The following IRS1 variants were observed in gnomAD, a reference collection of about 807,000 sequenced individuals.
IRS1 encodes the protein insulin receptor substrate 1.
A neutral mutation model predicts 65.6 loss-of-function variants in IRS1; 34 were observed. That is an observed-to-expected ratio of 0.52 (90% CI 0.39 to 0.69). The LOEUF is 0.69. IRS1 is among the 30% of genes least tolerant of loss of function. The pLI, the probability that IRS1 is intolerant of heterozygous loss-of-function variation, is 0.00. For missense variants in IRS1, 1,641 were observed against 1,720.2 expected (o/e 0.95, Z 0.81); for synonymous variants, 699 against 683.5 (o/e 1.02, Z -0.35).
intron 1 of IRS1, among the ~76,000 whole-genome samples, chr2:226,774,730 C>T (rs1429285696): frequency 6.6e-6 from 1 of 152,256 alleles, no homozygotes; most frequent in South Asian, 2.1e-4. Flanking sequence ...AACTATGTTT[C>T]ATCCATACAA....
rs1440025038 is a variant in IRS1, at chr2:226,731,335, T to C, written c.*4937A>G. ...AATCAAATGTCTCCGCAAAATTTAA[T>C]TGGCAGTTTGTTTCATGTCCAGCAA... is the stretch of plus-strand genomic sequence containing the variant. On this transcript the variant is annotated 3_prime_UTR_variant, in exon 2 of 2. Coordinates refer to ENST00000305123, the MANE Select transcript of IRS1 (RefSeq NM_005544.3). The C allele has an allele frequency of 6.6e-6, 1 of 152,220 alleles. No individual in the cohort carries two copies. Among genetic ancestry groups the C allele is most frequent in the South Asian group, 2.1e-4 (1 of 4,834 alleles). 9.4% of individuals were successfully genotyped at this position (152,220 alleles called of 1,614,324 possible). A position where few individuals can be genotyped will look rare whatever the true frequency, so the allele number is the denominator to read the frequency against.
Position 226,798,941 on chromosome 2 carries a change from G to A in IRS1, c.-203C>T. 1.4e-6 allele frequency: 2 copies of A among 1,449,842 alleles called. No homozygotes were observed. Among genetic ancestry groups the A allele is most frequent in the East Asian group, 2.5e-5 (1 of 39,852 alleles). 89.8% of individuals were successfully genotyped at this position (1,449,842 alleles called of 1,614,324 possible). ...AGCTGCTGAGCCCAGGAGAGAGCCC[G>A]ACCGGAGTTTTCGGGCGCTTCACGC... is the stretch of plus-strand genomic sequence containing the variant. On this transcript the variant is annotated 5_prime_UTR_variant, in exon 1 of 2. Transcript: ENST00000305123. This position sits in a 1 kb window ranked among gnomAD's most constrained non-coding sequence, Gnocchi z 9.4.
At chr2:226,736,537 C>A (rs16822573) in intron 1 of IRS1, among the ~76,000 whole-genome samples, 9,320 of 152,208 alleles carry the variant, frequency 0.061, 425 homozygotes, top group East Asian at 0.19. Flanking sequence ...ATAGAAAATT[C>A]TTTGGTGTTG....
chr2:226,758,361 C>T (rs1182567192), intron 1 of IRS1, among the ~76,000 whole-genome samples: 3 of 152,100 alleles, frequency 2.0e-5, no homozygotes, highest in East Asian at 1.9e-4. Flanking sequence ...TGACCAAACA[C>T]GTGATGAGTA....
At position 226,796,915 on chromosome 2, in the gene IRS1, C is replaced by T. The variant is rs368195674; in HGVS notation, c.1824G>A (p.Thr608=). The T allele has an allele frequency of 3.5e-5, 54 of 1,544,720 alleles. No individual in the cohort carries two copies. The highest frequency in any genetic ancestry group is 1.8e-4 in the Middle Eastern group (1 of 5,704). The part of the protein sequence containing the change: ...HHRPDSSTLH[T]DDGYMPMSPG... The stretch of plus-strand genomic sequence containing the variant: ...GGGACATGGGCATGTAGCCATCATC[C>T]GTGTGGAGGGTGGAGCTGTCTGGGC... The change falls in exon 1 of 2, where the codon ACG becomes ACA. Residue 608 remains threonine, a synonymous_variant. Coordinates refer to ENST00000305123, the MANE Select transcript of IRS1 (RefSeq NM_005544.3).
At chr2:226,737,241 T>C (rs926682069) in intron 1 of IRS1, among the ~76,000 whole-genome samples, 3 of 151,968 alleles carry the variant, frequency 2.0e-5, no homozygotes, top group African/African-American at 7.3e-5. Context: ...TGATTTCCAA[T>C]TTCATCCATG....
intron 1 of IRS1, among the ~76,000 whole-genome samples, chr2:226,767,347 A>C (rs1939074306): frequency 6.6e-6 from 1 of 152,212 alleles, no homozygotes; most frequent in African/African-American, 2.4e-5. Flanking sequence ...CAATGAGAGA[A>C]TGGGTCACGT....
Position 226,799,138 on chromosome 2 carries a change from G to C in IRS1, c.-400C>G. The stretch of plus-strand genomic sequence containing the variant: ...GGGGGTCCCTGCGGTGCCCCTCCAG[G>C]AGCGCGCGCGCGCGCGCGCCTTCCC... On this transcript the variant is annotated 5_prime_UTR_variant, in exon 1 of 2. Coordinates refer to ENST00000305123, the MANE Select transcript of IRS1 (RefSeq NM_005544.3). This position sits in a 1 kb window ranked among gnomAD's most constrained non-coding sequence, Gnocchi z 6.1. The C allele has an allele frequency of 8.8e-7, 1 of 1,130,920 alleles. No homozygotes were observed. The highest frequency in any genetic ancestry group is 1.1e-6 in the Non-Finnish European group (1 of 909,272). The allele number at this position is 1,130,920 out of a possible 1,614,324, so 70.1% of individuals were successfully genotyped here. A position where few individuals can be genotyped will look rare whatever the true frequency, so the allele number is the denominator to read the frequency against.
intron 1 of IRS1, among the ~76,000 whole-genome samples, chr2:226,751,437 C>T (rs113814225): frequency 0.076 from 11,506 of 151,880 alleles, 754 homozygotes; most frequent in African/African-American, 0.18. Flanking sequence ...GCGCCTGCCA[C>T]GACGCCCAGC....
chr2:226,772,683 A>G (rs1939187653), intron 1 of IRS1, among the ~76,000 whole-genome samples: 1 of 152,026 alleles, frequency 6.6e-6, no homozygotes, highest in Non-Finnish European at 1.5e-5. Context: ...ACAGTAAAAA[A>G]AAAAAAAAAA....
At chr2:226,739,454 A>G (rs1192954472) in intron 1 of IRS1, among the ~76,000 whole-genome samples, 6 of 152,184 alleles carry the variant, frequency 3.9e-5, no homozygotes, top group African/African-American at 1.2e-4. Context: ...ATTCTTTTGA[A>G]TAGTCTCTAT....
chr2:226,765,049 G>A (rs897267713), intron 1 of IRS1, among the ~76,000 whole-genome samples: 1 of 152,042 alleles, frequency 6.6e-6, no homozygotes, highest in Non-Finnish European at 1.5e-5. Context: ...CTTAGCTCTC[G>A]CAAGCTTACA....
chr2:226,741,192 G>A (rs1222277767), intron 1 of IRS1, among the ~76,000 whole-genome samples: 2 of 152,110 alleles, frequency 1.3e-5, no homozygotes, highest in African/African-American at 2.4e-5. Context: ...AAAAGTCTAA[G>A]TAGGAAAGGA....
chr2:226,746,364 TGAACA>T (rs1413992490), intron 1 of IRS1, among the ~76,000 whole-genome samples: 4 of 152,166 alleles, frequency 2.6e-5, no homozygotes, highest in Admixed American at 2.0e-4. Flanking sequence ...CTGAAGGAAC[TGAACA>T]GGAGTGTGAT....
At position 226,798,327 on chromosome 2, in the gene IRS1, C is replaced by T. The variant is rs376142568; in HGVS notation, c.412G>A (p.Gly138Ser). ...CCAGCCTCACCAAGGCCGGAGCTGCCGCTGCAGCTGCCCCCACCACCTCCC... is the reference window on the plus strand; with the variant it reads ...CCAGCCTCACCAAGGCCGGAGCTGCTGCTGCAGCTGCCCCCACCACCTCCC... ...GAGGGGGSCSGSSGLGEAGED... is the reference protein window; with the variant it reads ...GAGGGGGSCSSSSGLGEAGED... Residue 138 changes from glycine to serine, a missense_variant, in exon 1 of 2, where the codon GGC (glycine) becomes AGC (serine). Gly to Ser is a moderately conservative substitution (Grantham distance 56). Transcript: ENST00000305123. This position sits in a 1 kb window ranked among gnomAD's most constrained non-coding sequence, Gnocchi z 9.4. 38 of 1,613,362 alleles carry T rather than the reference C, an allele frequency of 2.4e-5. No individual in the cohort carries two copies. The African/African-American group carries it at 4.3e-4, about 18-fold the overall frequency.
In IRS1 at chr2:226,797,536, G is replaced by A. The variant is rs1403813423; in HGVS notation, c.1203C>T (p.Gly401=). 2 of 1,609,678 alleles carry A rather than the reference G, an allele frequency of 1.2e-6. No homozygotes were observed. Among genetic ancestry groups the A allele is most frequent in the African/African-American group, 1.3e-5 (1 of 74,908 alleles). Residue 401 remains glycine, a synonymous_variant, in exon 1 of 2, where the codon GGC becomes GGT. Coordinates refer to ENST00000305123, the MANE Select transcript of IRS1 (RefSeq NM_005544.3). This position sits in a 1 kb window ranked among gnomAD's most constrained non-coding sequence, Gnocchi z 8.1. The stretch of plus-strand genomic sequence containing the variant: ...GTGGGAAGAGACAATCCGAGGTGGA[G>A]CCATGGCCACTGGTGCTACTGGACG... The part of the protein sequence containing the change: ...SLSSSSTSGH[G]STSDCLFPRR...
chr2:226,761,162 A>G (rs1452557977), intron 1 of IRS1, among the ~76,000 whole-genome samples: 2 of 152,222 alleles, frequency 1.3e-5, no homozygotes, highest in African/African-American at 4.8e-5. Context: ...ATTGAGCTAC[A>G]CCACCTAAGT....
intron 1 of IRS1, among the ~76,000 whole-genome samples, chr2:226,789,913 G>A (rs905898715): frequency 6.6e-6 from 1 of 152,170 alleles, no homozygotes; most frequent in Admixed American, 6.5e-5. Flanking sequence ...AGCAAGAAAA[G>A]TTAATGTCAG....
chr2:226,744,221 C>G (rs1224314211), intron 1 of IRS1, among the ~76,000 whole-genome samples: 1 of 152,124 alleles, frequency 6.6e-6, no homozygotes, highest in Non-Finnish European at 1.5e-5. Context: ...TCCTACTCAC[C>G]GCAAGTTTTA....
Sources: gnomAD v4.1 joint callset for allele counts (sites outside exome capture counted in the v4.1 genomes callset) on GRCh38, gnomAD v4.1.1 for gene constraint, Gnocchi (gnomAD v3.1) non-coding constraint, MANE v1.5 for transcripts, NCBI Gene and HGNC (gene_info 2026-07-23, HGNC 2026-07-21) for gene names.